The following ZFPM2 variants were observed in gnomAD, a reference collection of about 807,000 sequenced individuals.
ZFPM2 encodes the protein zinc finger protein ZFPM2.
In ZFPM2, 20 loss-of-function variants were observed where a neutral mutation model predicts 98.6. The observed-to-expected ratio is 0.20, with a 90% CI of 0.14 to 0.29. The LOEUF (loss-of-function observed/expected upper bound fraction) is 0.29, where lower values mean the gene tolerates loss of function less well. ZFPM2 is among the 10% of genes least tolerant of loss of function. The pLI is 1.00. For synonymous variants in ZFPM2, 518 were observed against 502.7 expected (o/e 1.03, Z -0.41); for missense variants, 1,310 against 1,388.6 (o/e 0.94, Z 0.90).
intron 2 of ZFPM2, among the ~76,000 whole-genome samples, chr8:105,424,193 A>G (rs541659333): frequency 6.6e-6 from 1 of 152,208 alleles, no homozygotes; most frequent in South Asian, 2.1e-4. Context: ...ATGTAAGTCA[A>G]CTTTGAATTA....
chr8:105,780,303 G>A (rs1813210287), intron 5 of ZFPM2: 1 of 152,306 alleles, frequency 6.6e-6, no homozygotes, highest in South Asian at 2.1e-4. Flanking sequence ...TCATGCCCAT[G>A]CAAGAGGAAT....
chr8:105,645,337 A>G (rs1194180193), intron 5 of ZFPM2, among the ~76,000 whole-genome samples: 1 of 152,180 alleles, frequency 6.6e-6, no homozygotes, highest in Non-Finnish European at 1.5e-5. Flanking sequence ...TTCTCTGACT[A>G]TTCTTTTGTT....
intron 4 of ZFPM2, among the ~76,000 whole-genome samples, chr8:105,577,906 G>A (rs1285728818): frequency 6.6e-6 from 1 of 151,944 alleles, no homozygotes; most frequent in African/African-American, 2.4e-5. Context: ...AGAACTGTCT[G>A]TAACCTTAAC....
intron 1 of ZFPM2, among the ~76,000 whole-genome samples, chr8:105,400,705 A>G (rs1430803716): frequency 5.3e-5 from 8 of 152,156 alleles, no homozygotes; most frequent in Non-Finnish European, 5.9e-5. Flanking sequence ...TGCAACTCAT[A>G]TAACTTTTTA....
intron 5 of ZFPM2, among the ~76,000 whole-genome samples, chr8:105,663,218 T>C (rs1817426296): frequency 6.6e-6 from 1 of 152,030 alleles, no homozygotes; most frequent in African/African-American, 2.4e-5. Context: ...CTTCATGGAG[T>C]TTACAGTTTA....
chr8:105,663,931 AC>A (rs1738928637), intron 5 of ZFPM2, among the ~76,000 whole-genome samples: 1 of 152,142 alleles, frequency 6.6e-6, no homozygotes, highest in South Asian at 2.1e-4. Context: ...CTAAGTAAAC[AC>A]CCCCACTTGA....
Position 105,802,828 on chromosome 8 carries a change from T to C in ZFPM2, c.2746T>C (p.Cys916Arg). Residue 916 changes from cysteine (C) to arginine (R), a missense_variant, in exon 8 of 8, where the codon TGT becomes CGT. Cys to Arg is a radical substitution (Grantham distance 180). Transcript: ENST00000407775. ...DVSYERSIIK[C>R]EKNGNLKQPS... The stretch of plus-strand genomic sequence containing the variant: ...CAGCTACGAAAGAAGCATAATAAAA[T>C]GTGAGAAAAATGGGAATTTGAAGCA... The C allele has an allele frequency of 6.2e-7, 1 of 1,613,604 alleles. No homozygotes were observed. The highest frequency in any genetic ancestry group is 8.5e-7 in the Non-Finnish European group (1 of 1,179,814).
chr8:105,559,054 T>C (rs1815067412), intron 3 of ZFPM2, among the ~76,000 whole-genome samples: 2 of 151,770 alleles, frequency 1.3e-5, no homozygotes, highest in Admixed American at 6.6e-5. Flanking sequence ...CTGATTCCTC[T>C]CTGACATCAG....
chr8:105,537,255 C>T (rs1429465628), intron 3 of ZFPM2, among the ~76,000 whole-genome samples: 3 of 151,812 alleles, frequency 2.0e-5, no homozygotes, highest in Non-Finnish European at 4.4e-5. Flanking sequence ...TTCTTTAGGC[C>T]TAGATTATTA....
At chr8:105,794,305 C>T (rs1236308319) in intron 6 of ZFPM2, among the ~76,000 whole-genome samples, 3 of 152,128 alleles carry the variant, frequency 2.0e-5, no homozygotes, top group Non-Finnish European at 2.9e-5. Context: ...CAGACAGGAC[C>T]CTCAGCTGCA....
At chr8:105,787,768 T>C (rs1813462765) in intron 5 of ZFPM2, among the ~76,000 whole-genome samples, 1 of 152,124 alleles carries the variant, frequency 6.6e-6, no homozygotes, top group Non-Finnish European at 1.5e-5. Context: ...ATATCAAGTA[T>C]GCTGCATTAT....
intron 5 of ZFPM2, among the ~76,000 whole-genome samples, chr8:105,649,634 A>G (rs1170212875): frequency 6.6e-6 from 1 of 152,174 alleles, no homozygotes; most frequent in Non-Finnish European, 1.5e-5. Flanking sequence ...ATCTATTGAG[A>G]TAGTCACGTG....
rs1347041886 is a variant in ZFPM2 at position 105,348,657 on chromosome 8, C to T, written c.40+29676C>T. On this transcript the variant is annotated intron_variant, in intron 1 of 7. Coordinates refer to ENST00000407775, the MANE Select transcript of ZFPM2 (RefSeq NM_012082.4). ...TACCATTGATGTTTTTGCATTTTAC[C>T]TCCTGTCCACTTCTTTCAAGGGAGG... 2.0e-5 allele frequency among the ~76,000 whole-genome samples: 3 copies of T among 152,088 alleles called. No individual in the cohort carries two copies. The East Asian group carries it at 5.8e-4, about 29-fold the overall frequency.
At chr8:105,696,841 G>A (rs1220488830) in intron 5 of ZFPM2, among the ~76,000 whole-genome samples, 1 of 152,024 alleles carries the variant, frequency 6.6e-6, no homozygotes, top group East Asian at 1.9e-4. Context: ...TTACAAGTTT[G>A]TTATTCTACT....
At chr8:105,489,140 G>A (rs1813299527) in intron 3 of ZFPM2, among the ~76,000 whole-genome samples, 1 of 151,814 alleles carries the variant, frequency 6.6e-6, no homozygotes, top group African/African-American at 2.4e-5. Flanking sequence ...TTTCTAAAGG[G>A]CACTGTAGTT....
chr8:105,357,936 T>C (rs1812779319), intron 1 of ZFPM2, among the ~76,000 whole-genome samples: 1 of 152,156 alleles, frequency 6.6e-6, no homozygotes, highest in Non-Finnish European at 1.5e-5. Flanking sequence ...TGCCACTCTA[T>C]TAGAATGAGG....
intron 3 of ZFPM2, among the ~76,000 whole-genome samples, chr8:105,517,634 C>T (rs1282017200): frequency 6.7e-6 from 1 of 150,368 alleles, no homozygotes; most frequent in Admixed American, 6.7e-5. Context: ...AGGATCACTT[C>T]AGGGCAGGAG....
At chr8:105,754,779 A>G (rs1298218090) in intron 5 of ZFPM2, among the ~76,000 whole-genome samples, 1 of 151,954 alleles carries the variant, frequency 6.6e-6, no homozygotes, top group African/African-American at 2.4e-5. Context: ...AAACCAGGAC[A>G]TTATTTGTAA....
At chr8:105,390,035 T>A (rs1476146351) in intron 1 of ZFPM2, among the ~76,000 whole-genome samples, 1 of 152,204 alleles carries the variant, frequency 6.6e-6, no homozygotes, top group Non-Finnish European at 1.5e-5. Context: ...ATGCTATTTA[T>A]TTTAAATTTG....
Sources: gnomAD v4.1 joint callset for allele counts (sites outside exome capture counted in the v4.1 genomes callset) on GRCh38, gnomAD v4.1.1 for gene constraint, MANE v1.5 for transcripts, NCBI Gene and HGNC (gene_info 2026-07-23, HGNC 2026-07-21) for gene names.